ANKRD11: variants seen among roughly 807,000 people sequenced by gnomAD.
The protein encoded by ANKRD11 is ankyrin repeat domain-containing protein 11.
ANKRD11 carries 17 observed loss-of-function variants against 195.7 expected under a neutral mutation model. The observed-to-expected ratio is 0.09, with a 90% CI of 0.06 to 0.13. The LOEUF (loss-of-function observed/expected upper bound fraction) is 0.13, where lower values mean the gene tolerates loss of function less well. Ranked by LOEUF, ANKRD11 falls within the 10% of genes least tolerant of loss-of-function variation. The pLI is 1.00. For synonymous variants in ANKRD11, 1,953 were observed against 1,528.1 expected (o/e 1.28, Z -6.49); for missense variants, 3,735 against 3,566.1 (o/e 1.05, Z -1.21).
intron 2 of ANKRD11, among the ~76,000 whole-genome samples, chr16:89,366,184 G>A (rs2039943026): frequency 6.7e-6 from 1 of 149,362 alleles, no homozygotes; most frequent in African/African-American, 2.5e-5. Flanking sequence ...TGGCTGCACA[G>A]TATTCCACGG....
At position 89,280,656 on chromosome 16, in the gene ANKRD11, C is replaced by T. The variant is rs749397444; in HGVS notation, c.5886G>A (p.Leu1962=). 1.9e-6 allele frequency: 3 copies of T among 1,613,470 alleles called. No homozygotes were observed. The highest frequency in any genetic ancestry group is 2.2e-5 in the South Asian group (2 of 91,090). The change falls in exon 9 of 13, where the codon CTG becomes CTA. Residue 1962 remains leucine (L), a synonymous_variant. Transcript: ENST00000301030. ...HPSEQALASS[L]IGGTSENPVS... Reference sequence around the variant, plus strand: ...CAGGGTTTTCAGAGGTGCCCCCGATCAGGCTAGAGGCAAGCGCCTGCTCGG... The same window carrying T: ...CAGGGTTTTCAGAGGTGCCCCCGATTAGGCTAGAGGCAAGCGCCTGCTCGG...
rs1248813410 is a variant in ANKRD11 at position 89,279,473 on chromosome 16, T to C, written c.7069A>G (p.Lys2357Glu). 4.3e-6 allele frequency: 6 copies of C among 1,382,232 alleles called. No homozygotes were observed. Among genetic ancestry groups the C allele is most frequent in the Admixed American group, 2.1e-5 (1 of 47,682 alleles). The allele number at this position is 1,382,232 out of a possible 1,614,324, so 85.6% of individuals were successfully genotyped here. The stretch of plus-strand genomic sequence containing the variant: ...GGGGCAGGGGTGGGGGCGCACTCCT[T>C]CTCGGAGGGGGGCGGGCCCTGCTTG... Reference protein sequence around the residue: ...QSKQGPPPSEKECAPTPAPVT... With the variant: ...QSKQGPPPSEEECAPTPAPVT... Residue 2357 changes from lysine to glutamate, a missense_variant, in exon 9 of 13, where the codon AAG becomes GAG. Transcript: ENST00000301030. The surrounding 1 kb of genome is among the most constrained non-coding windows in gnomAD (Gnocchi z 5.6).
rs143417087 is a variant in ANKRD11 at position 89,283,100 on chromosome 16, C to T, written c.3442G>A (p.Gly1148Ser). Residue 1148 changes from glycine to serine, a missense_variant, in exon 9 of 13, where the codon GGC (glycine) becomes AGC (serine). Physicochemically the swap from Gly to Ser is moderately conservative, Grantham distance 56. Transcript: ENST00000301030. The surrounding 1 kb of genome is among the most constrained non-coding windows in gnomAD (Gnocchi z 4.3). ...GEASDLPRTD[G>S]LQEKEEGREA... is the part of the protein sequence containing the mutation. ...CGTCCTTCCTCCTTCTCCTGGAGGC[C>T]GTCCGTCCTCGGCAAGTCGCTGGCC... The T allele has an allele frequency of 5.1e-5, 82 of 1,613,912 alleles. No homozygotes were observed. The highest frequency in any genetic ancestry group is 5.8e-5 in the Non-Finnish European group (69 of 1,180,002).
At chr16:89,299,298 T>C in intron 4 of ANKRD11, 2 of 221,822 alleles carry the variant, frequency 9.0e-6, no homozygotes, top group South Asian at 9.5e-5. Context: ...GGCCCTGCCC[T>C]GCGTGGGATC....
At chr16:89,456,709 C>T (rs946921989) in intron 1 of ANKRD11, among the ~76,000 whole-genome samples, 7 of 152,036 alleles carry the variant, frequency 4.6e-5, no homozygotes, top group African/African-American at 1.2e-4. Flanking sequence ...TGAAAGAAGC[C>T]GGACACTAAA....
At chr16:89,384,879 C>CTTTTTTTTTTTTTCTTTTTTTT (rs2040834686) in intron 2 of ANKRD11, among the ~76,000 whole-genome samples, 2 of 49,910 alleles carry the variant, frequency 4.0e-5, no homozygotes, top group African/African-American at 1.6e-4. Context: ...AAATAGTTTT[C>CTTTTTTTTTTTTTCTTTTTTTT]TTTTTTTTTT....
intron 2 of ANKRD11, among the ~76,000 whole-genome samples, chr16:89,325,458 C>G (rs2037650874): frequency 7.3e-6 from 1 of 137,434 alleles, no homozygotes; most frequent in Non-Finnish European, 1.5e-5. Flanking sequence ...TCCTCTCTCT[C>G]TCTCTCTCTC....
chr16:89,276,360 G>A (rs992460724), intron 9 of ANKRD11, among the ~76,000 whole-genome samples: 1 of 152,194 alleles, frequency 6.6e-6, no homozygotes, highest in Admixed American at 6.5e-5. Flanking sequence ...AATGGGCTGA[G>A]AGAAACAGCC....
intron 2 of ANKRD11, among the ~76,000 whole-genome samples, chr16:89,383,016 A>C (rs935828046): frequency 2.6e-5 from 4 of 152,178 alleles, no homozygotes; most frequent in Non-Finnish European, 5.9e-5. Flanking sequence ...TGTAAAGCGT[A>C]ACTTTTAATA....
chr16:89,335,484 T>C (rs898400762), intron 2 of ANKRD11, among the ~76,000 whole-genome samples: 1 of 152,184 alleles, frequency 6.6e-6, no homozygotes, highest in African/African-American at 2.4e-5. Context: ...CGCAGTGGGT[T>C]AGGGCAGGTG....
intron 7 of ANKRD11, chr16:89,286,678 ATTT>A: frequency 8.0e-7 from 1 of 1,242,652 alleles, no homozygotes; most frequent in Non-Finnish European, 1.0e-6. Context: ...AAGCTGCTTT[ATTT>A]TTTATTTTCA....
chr16:89,282,307 A>T lies in ANKRD11; in HGVS notation c.4235T>A (p.Ile1412Lys). The T allele has an allele frequency of 6.2e-7, 1 of 1,614,104 alleles. No homozygotes were observed. The highest frequency in any genetic ancestry group is 1.7e-5 in the Admixed American group (1 of 60,024). ...AATGGTTTTATCTAGCTCATCTTCT[A>T]TGTCAGCTTTCATGTTGTAAGAAAC... ...YGVSYNMKAD[I>K]EDELDKTIEL... Residue 1412 changes from isoleucine (I) to lysine (K), a missense_variant, in exon 9 of 13, where the codon ATA becomes AAA. Physicochemically the swap from Ile to Lys is moderately radical, Grantham distance 102. Transcript: ENST00000301030.
At chr16:89,305,441 T>C in intron 3 of ANKRD11, 97 bp from the exon 4 acceptor site, 2 of 1,539,218 alleles carry the variant, frequency 1.3e-6, no homozygotes, top group Admixed American at 1.8e-5. Flanking sequence ...GCATCTCTTA[T>C]TTGGGCAATG....
chr16:89,327,966 A>T (rs1453138674), intron 2 of ANKRD11, among the ~76,000 whole-genome samples: 1 of 152,272 alleles, frequency 6.6e-6, no homozygotes, highest in Non-Finnish European at 1.5e-5. Context: ...GACAGGGAAA[A>T]ATATCTGCAA....
intron 1 of ANKRD11, among the ~76,000 whole-genome samples, chr16:89,476,046 T>C (rs1217893761): frequency 2.8e-5 from 4 of 144,556 alleles, no homozygotes; most frequent in African/African-American, 1.0e-4. Flanking sequence ...AGCGAGACTG[T>C]GTCTCAAAAA....
intron 2 of ANKRD11, among the ~76,000 whole-genome samples, chr16:89,393,786 C>A (rs973042782): frequency 2.0e-5 from 3 of 152,118 alleles, no homozygotes; most frequent in African/African-American, 7.2e-5. Flanking sequence ...CAGAGCTCTG[C>A]ATGGCATCTC....
intron 1 of ANKRD11, among the ~76,000 whole-genome samples, chr16:89,487,290 G>A (rs2057650662): frequency 6.6e-6 from 1 of 152,180 alleles, no homozygotes; most frequent in South Asian, 2.1e-4. Context: ...GATGAAGGGA[G>A]TTACACAGAG....
At chr16:89,403,405 G>A (rs961928584) in intron 2 of ANKRD11, among the ~76,000 whole-genome samples, 5 of 152,152 alleles carry the variant, frequency 3.3e-5, no homozygotes, top group African/African-American at 9.7e-5. Flanking sequence ...CAGAGCACAC[G>A]CAGGTGAGGG....
At chr16:89,346,105 C>G (rs185484331) in intron 2 of ANKRD11, among the ~76,000 whole-genome samples, 1 of 151,784 alleles carries the variant, frequency 6.6e-6, no homozygotes, top group Admixed American at 6.6e-5. Context: ...AAAAATTAGC[C>G]GGGCGTGGTG....
Sources: gnomAD v4.1 joint callset for allele counts (sites outside exome capture counted in the v4.1 genomes callset) on GRCh38, gnomAD v4.1.1 for gene constraint, Gnocchi (gnomAD v3.1) non-coding constraint, MANE v1.5 for transcripts, NCBI Gene and HGNC (gene_info 2026-07-23, HGNC 2026-07-21) for gene names.